Variants in ASAP3 observed in about 807,000 individuals in gnomAD.
ASAP3 encodes the protein arf-GAP with SH3 domain, ANK repeat and PH domain-containing protein 3.
ASAP3 carries 85 observed loss-of-function variants against 118.2 expected under a neutral mutation model. That is an observed-to-expected ratio of 0.72 (90% CI 0.60 to 0.86). ASAP3 has a LOEUF of 0.86. ASAP3 is among the 40% of genes least tolerant of loss of function. ASAP3 has a pLI of 0.00. For synonymous variants in ASAP3, 432 were observed against 477.4 expected, an observed-to-expected ratio of 0.90 and a Z score of 1.24; for missense variants, 1,026 against 1,175.0, an observed-to-expected ratio of 0.87 and a Z score of 1.85.
chr1:23,434,736 T>C (rs1361386302), intron 17 of ASAP3, 118 bp from the exon 18 acceptor site: 2 of 928,220 alleles, frequency 2.2e-6, no homozygotes, highest in Middle Eastern at 2.2e-4. Context: ...GCCAGAACCC[T>C]GGAGAGATGA....
intron 1 of ASAP3, among the ~76,000 whole-genome samples, chr1:23,481,375 TG>T (rs1347229840): frequency 6.6e-6 from 1 of 152,000 alleles, no homozygotes; most frequent in African/African-American, 2.4e-5. Context: ...AGCCTGGGGG[TG>T]GGTTAGTCAA....
At chr1:23,477,314 T>C (rs1570416909) in intron 1 of ASAP3, among the ~76,000 whole-genome samples, 1 of 142,974 alleles carries the variant, frequency 7.0e-6, no homozygotes. Flanking sequence ...GAGACAGAGG[T>C]TGCAGTGAGC....
At chr1:23,430,954 C>T in intron 24 of ASAP3, 81 bp downstream of exon 24, 1 of 1,340,090 alleles carries the variant, frequency 7.5e-7, no homozygotes, top group Non-Finnish European at 1.0e-6. Context: ...GGTCTCCCAC[C>T]CCAATACGCC....
Position 23,441,224 on chromosome 1 carries a change from C to T in ASAP3, c.835-13G>A. ...GGCTCAGGTGTTCCTGTCCCTCGGA[C>T]ATGCAAAGGAGACCTCAGGGCATCT... is the stretch of plus-strand genomic sequence containing the variant. On this transcript the variant is annotated splice_polypyrimidine_tract_variant and intron_variant, in intron 9 of 24. Coordinates refer to ENST00000336689, the MANE Select transcript of ASAP3 (RefSeq NM_017707.4). 1 of 1,614,006 alleles carries T rather than the reference C, an allele frequency of 6.2e-7. No homozygotes were observed. The highest frequency in any genetic ancestry group is 8.5e-7 in the Non-Finnish European group (1 of 1,179,928).
chr1:23,431,621 A>T, intron 23 of ASAP3, 75 bp downstream of exon 23: 1 of 1,331,344 alleles, frequency 7.5e-7, no homozygotes, highest in Non-Finnish European at 1.0e-6. Context: ...GGTACTATTT[A>T]GAGGTGTGGA....
chr1:23,430,029 A>G (rs539163981), intron 24 of ASAP3, 99 bp from the exon 25 acceptor site: 6 of 1,008,178 alleles, frequency 6.0e-6, no homozygotes, highest in Non-Finnish European at 8.7e-6. Flanking sequence ...TAGATAAATT[A>G]AATTATTCTC....
intron 1 of ASAP3, among the ~76,000 whole-genome samples, chr1:23,461,754 G>A (rs1164151023): frequency 6.6e-6 from 1 of 152,080 alleles, no homozygotes; most frequent in Non-Finnish European, 1.5e-5. Flanking sequence ...CAATGTGCTG[G>A]CGATGTCTAG....
intron 1 of ASAP3, among the ~76,000 whole-genome samples, chr1:23,481,456 T>C (rs895374662): frequency 4.6e-5 from 7 of 152,158 alleles, no homozygotes; most frequent in Admixed American, 1.3e-4. Context: ...AAAATATAAA[T>C]GCAAATGCAA....
At position 23,431,098 on chromosome 1, in the gene ASAP3, C is replaced by G. The variant is rs778949640; in HGVS notation, c.2574G>C (p.Arg858=). The G allele has an allele frequency of 6.4e-7, 1 of 1,572,686 alleles. No individual in the cohort carries two copies. Residue 858 remains arginine, a synonymous_variant, in exon 24 of 25, where the codon CGG becomes CGC. Coordinates refer to ENST00000336689, the MANE Select transcript of ASAP3 (RefSeq NM_017707.4). ...GACCATCTTCAGGGCTCCGCGCCCC[C>G]CGCCGATAGGAGCGAGTGCTCTCGG... ...FSSESTRSYR[R]GARSPEDGPS... is the part of the protein sequence containing the mutation.
At position 23,457,783 on chromosome 1, in the gene ASAP3, G is replaced by A. The variant is rs191509076; in HGVS notation, c.130-1589C>T. Among the ~76,000 whole-genome samples the A allele has an allele frequency of 1.1e-4, 17 of 152,314 alleles. 1 individual carries two copies. The highest frequency in any genetic ancestry group is 5.9e-4 in the Admixed American group (9 of 15,298). On this transcript the variant is annotated intron_variant, in intron 1 of 24. Transcript: ENST00000336689. The stretch of plus-strand genomic sequence containing the variant: ...CCGCTTCGGCCTCCCAAGGTGCTGC[G>A]ATTACAGGCATGAGCCACCGTGCCC...
At chr1:23,471,279 A>C (rs1401865239) in intron 1 of ASAP3, among the ~76,000 whole-genome samples, 1 of 152,034 alleles carries the variant, frequency 6.6e-6, no homozygotes, top group African/African-American at 2.4e-5. Context: ...TTCCCGACTC[A>C]ACTTACAGGT....
At chr1:23,446,863 G>A (rs1558138026) in intron 5 of ASAP3, among the ~76,000 whole-genome samples, 1 of 152,058 alleles carries the variant, frequency 6.6e-6, no homozygotes, top group Non-Finnish European at 1.5e-5. Context: ...CTATCCAGCA[G>A]TCTCCAACAT....
At position 23,441,724 on chromosome 1, in the gene ASAP3, G is replaced by C. The variant is rs377564938; in HGVS notation, c.678C>G (p.Phe226Leu). 27 of 1,614,022 alleles carry C rather than the reference G, an allele frequency of 1.7e-5. No individual in the cohort carries two copies. Among genetic ancestry groups the C allele is most frequent in the Non-Finnish European group, 2.3e-5 (27 of 1,180,036 alleles). The change falls in exon 8 of 25, where the codon TTC becomes TTG. Residue 226 changes from phenylalanine (F) to leucine (L), a missense_variant. Transcript: ENST00000336689. ...IKFFHAQHNF[F>L]QDGWKAAQSL... is the part of the protein sequence containing the mutation. Reference sequence around the variant, plus strand: ...TCTGGGCAGCCTTCCAGCCATCTTGGAAAAAGCTAAGAGGTGTCAGAGGCC... The same window carrying C: ...TCTGGGCAGCCTTCCAGCCATCTTGCAAAAAGCTAAGAGGTGTCAGAGGCC...
rs781457164 is a variant in ASAP3 at position 23,483,993 on chromosome 1, CG to C, written c.129+11del. The C allele has an allele frequency of 3.8e-3, 4,935 of 1,282,966 alleles. 15 individuals are homozygous for C. The highest frequency in any genetic ancestry group is 4.5e-3 in the Non-Finnish European group (4,619 of 1,016,186). The allele number at this position is 1,282,966 out of a possible 1,614,324, so 79.5% of individuals were successfully genotyped here. A position where few individuals can be genotyped will look rare whatever the true frequency, so the allele number is the denominator to read the frequency against. On this transcript the variant is annotated intron_variant, in intron 1 of 24. Transcript: ENST00000336689. ...CGCCGACCCCCGACCCCTCCCGCCTCGGCCCCCTCACCTCCTCCCGCGCCAG... is the reference window on the plus strand; with the variant it reads ...CGCCGACCCCCGACCCCTCCCGCCTCGCCCCCTCACCTCCTCCCGCGCCAG...
chr1:23,468,331 A>G (rs1399103106), intron 1 of ASAP3, among the ~76,000 whole-genome samples: 6 of 152,318 alleles, frequency 3.9e-5, no homozygotes, highest in Admixed American at 1.3e-4. Context: ...CACATTCCAA[A>G]TATGTGCAAC....
intron 18 of ASAP3, 35 bp downstream of exon 18, chr1:23,434,498 T>C: frequency 6.2e-7 from 1 of 1,609,808 alleles, no homozygotes; most frequent in Non-Finnish European, 8.5e-7. Flanking sequence ...AGAGGGAGTG[T>C]GAGGAGCCAG....
intron 1 of ASAP3, among the ~76,000 whole-genome samples, chr1:23,470,986 C>A (rs2148657543): frequency 6.6e-6 from 1 of 152,336 alleles, no homozygotes; most frequent in East Asian, 1.9e-4. Flanking sequence ...TGGCCTCAAG[C>A]CCTGAATTCC....
intron 5 of ASAP3, among the ~76,000 whole-genome samples, chr1:23,443,047 A>T (rs1309935657): frequency 1.3e-5 from 2 of 152,168 alleles, no homozygotes; most frequent in Non-Finnish European, 2.9e-5. Context: ...CACCATGTTA[A>T]TATATTCTTG....
chr1:23,452,641 T>G, intron 4 of ASAP3, 56 bp downstream of exon 4: 1 of 1,569,080 alleles, frequency 6.4e-7, no homozygotes, highest in Non-Finnish European at 8.8e-7. Context: ...CCCAACAGTC[T>G]CCTGCCCACC....
Sources: gnomAD v4.1 joint callset for allele counts (sites outside exome capture counted in the v4.1 genomes callset) on GRCh38, gnomAD v4.1.1 for gene constraint, MANE v1.5 for transcripts, NCBI Gene and HGNC (gene_info 2026-07-23, HGNC 2026-07-21) for gene names.